Variants in ADGRG7 observed in about 807,000 individuals in gnomAD.
The protein encoded by ADGRG7 is adhesion G protein-coupled receptor G7.
Under a neutral mutation model 88.6 loss-of-function variants are expected in ADGRG7, and 82 were observed. The observed-to-expected ratio is 0.93, with a 90% CI of 0.77 to 1.11. The LOEUF (loss-of-function observed/expected upper bound fraction) is 1.11. Among genes scored for constraint, ADGRG7 ranks in the 50% most tolerant of loss-of-function variants. The pLI, the probability that ADGRG7 is intolerant of heterozygous loss-of-function variation, is 0.00. For synonymous variants in ADGRG7, 381 were observed against 345.2 expected, an observed-to-expected ratio of 1.10 and a Z score of -1.15; for missense variants, 945 against 953.4, an observed-to-expected ratio of 0.99 and a Z score of 0.12.
At chr3:100,629,065 A>T (rs1380352066) in intron 1 of ADGRG7, among the ~76,000 whole-genome samples, 1 of 152,162 alleles carries the variant, frequency 6.6e-6, no homozygotes, top group Non-Finnish European at 1.5e-5. Context: ...TTCCTTAGAC[A>T]CATCAGAACT....
intron 14 of ADGRG7, among the ~76,000 whole-genome samples, chr3:100,660,376 C>T (rs186053123): frequency 6.6e-6 from 1 of 152,288 alleles, no homozygotes; most frequent in African/African-American, 2.4e-5. Context: ...ACGATCACAG[C>T]TCAATGCAGC....
At position 100,659,841 on chromosome 3, in the gene ADGRG7, A is replaced by G. The variant is rs148216825; in HGVS notation, c.1977A>G (p.Thr659=). The change falls in exon 14 of 16, where the codon ACA becomes ACG. Residue 659 remains threonine, a splice_region_variant and synonymous_variant. Coordinates refer to ENST00000273352, the MANE Select transcript of ADGRG7 (RefSeq NM_032787.3). The stretch of plus-strand genomic sequence containing the variant: ...TGTGGAAGAATAACCAGAACCTGAC[A>G]AGGTAAGATTCCCAATGAATGGGAA... The part of the protein sequence containing the change: ...KVLWKNNQNL[T]STKKVSSMKK... 24 of 1,613,352 alleles carry G rather than the reference A, an allele frequency of 1.5e-5. No homozygotes were observed. The African/African-American group carries it at 3.1e-4, about 21-fold the overall frequency.
chr3:100,634,932 C>T (rs1707511121), intron 4 of ADGRG7, among the ~76,000 whole-genome samples: 1 of 151,964 alleles, frequency 6.6e-6, no homozygotes, highest in African/African-American at 2.4e-5. Flanking sequence ...CTGACACTTA[C>T]CCAAGTGTGA....
At chr3:100,637,506 A>C in intron 6 of ADGRG7, 104 bp downstream of exon 6, 1 of 757,232 alleles carries the variant, frequency 1.3e-6, no homozygotes, top group Non-Finnish European at 2.2e-6. Flanking sequence ...TGGATGCAGT[A>C]ACTGACTGAT....
chr3:100,653,454 A>G (rs1015408774), intron 11 of ADGRG7, among the ~76,000 whole-genome samples: 28 of 152,232 alleles, frequency 1.8e-4, no homozygotes, highest in African/African-American at 6.8e-4. Context: ...ACATGAGTTC[A>G]TCTACTAATG....
chr3:100,614,481 A>G (rs1197430753), intron 1 of ADGRG7, among the ~76,000 whole-genome samples: 3 of 152,238 alleles, frequency 2.0e-5, no homozygotes, highest in Non-Finnish European at 2.9e-5. Context: ...TACCTTAAAT[A>G]AAGACTATGT....
intron 14 of ADGRG7, among the ~76,000 whole-genome samples, chr3:100,668,075 C>T (rs2094954010): frequency 6.6e-6 from 1 of 152,170 alleles, no homozygotes; most frequent in African/African-American, 2.4e-5. Flanking sequence ...GGTGAGGTGA[C>T]ACCCCACCCT....
chr3:100,650,216 A>G (rs551855775), intron 11 of ADGRG7, among the ~76,000 whole-genome samples: 2 of 152,342 alleles, frequency 1.3e-5, no homozygotes, highest in Admixed American at 1.3e-4. Flanking sequence ...ACGTTTTTCA[A>G]AAATATAGTT....
At chr3:100,631,622 A>G (rs1707460294) in intron 3 of ADGRG7, among the ~76,000 whole-genome samples, 1 of 152,198 alleles carries the variant, frequency 6.6e-6, no homozygotes, top group South Asian at 2.1e-4. Context: ...AATACAGCCA[A>G]TTCTAGATCA....
At chr3:100,611,308 T>TTTCC (rs71132525) in intron 1 of ADGRG7, among the ~76,000 whole-genome samples, 1 of 70,700 alleles carries the variant, frequency 1.4e-5, no homozygotes, top group African/African-American at 3.6e-5. Flanking sequence ...TCCTTTCTTC[T>TTTCC]TTCCTTCCTT....
chr3:100,630,551 G>A (rs1707446052), intron 2 of ADGRG7, among the ~76,000 whole-genome samples, 154 bp from the exon 3 acceptor site: 1 of 152,118 alleles, frequency 6.6e-6, no homozygotes, highest in African/African-American at 2.4e-5. Flanking sequence ...TAACCAGATA[G>A]CAAAGTATAG....
chr3:100,682,618 A>T (rs1475567620), intron 15 of ADGRG7, among the ~76,000 whole-genome samples: 1 of 152,176 alleles, frequency 6.6e-6, no homozygotes, highest in Non-Finnish European at 1.5e-5. Context: ...GAGCCAGGCA[A>T]GGGGGAGCCC....
In ADGRG7 at chr3:100,630,812, A is replaced by G; in HGVS notation, c.334+3A>G. ...ATGTGGCAAGGATACTCCAAATGGT[A>G]TGTGTTTTCCCAAACATTTACTCTA... On this transcript the variant is annotated splice_donor_region_variant and intron_variant, in intron 3 of 15. Transcript: ENST00000273352. The G allele has an allele frequency of 7.0e-7, 1 of 1,434,254 alleles. No individual in the cohort carries two copies. 88.8% of individuals were successfully genotyped at this position (1,434,254 alleles called of 1,614,324 possible).
At chr3:100,633,191 G>A (rs1188609379) in intron 3 of ADGRG7, 74 bp from the exon 4 acceptor site, 2 of 638,654 alleles carry the variant, frequency 3.1e-6, no homozygotes, top group Non-Finnish European at 2.3e-6. Flanking sequence ...ATAAAAATTA[G>A]TTATTGCCTA....
intron 1 of ADGRG7, among the ~76,000 whole-genome samples, chr3:100,626,097 T>C (rs922062667): frequency 6.6e-6 from 1 of 152,178 alleles, no homozygotes; most frequent in Non-Finnish European, 1.5e-5. Context: ...CCAGCTCCTC[T>C]TGGTATCTCT....
At chr3:100,616,810 G>C (rs1186863646) in intron 1 of ADGRG7, among the ~76,000 whole-genome samples, 2 of 152,134 alleles carry the variant, frequency 1.3e-5, no homozygotes, top group Non-Finnish European at 2.9e-5. Flanking sequence ...GACAGAGGGA[G>C]ATCCTGTCTC....
intron 1 of ADGRG7, among the ~76,000 whole-genome samples, chr3:100,612,457 G>C (rs1707167304): frequency 6.6e-6 from 1 of 152,144 alleles, no homozygotes; most frequent in South Asian, 2.1e-4. Context: ...AACACAAGAA[G>C]CAGTATAGCT....
In ADGRG7 at chr3:100,659,734, C is replaced by T; in HGVS notation, c.1870C>T (p.Leu624=). The change falls in exon 14 of 16, where the codon CTG becomes TTG. Residue 624 remains leucine, a synonymous_variant. Coordinates refer to ENST00000273352, the MANE Select transcript of ADGRG7 (RefSeq NM_032787.3). Reference sequence around the variant, plus strand: ...ACCCAATGGTGTTATAAAAAGTCCGCTGTTGTGGTCATTCATCGTACCTGT... The same window carrying T: ...ACCCAATGGTGTTATAAAAAGTCCGTTGTTGTGGTCATTCATCGTACCTGT... ...PEPNGVIKSP[L]LWSFIVPVTI... 1.9e-6 allele frequency: 3 copies of T among 1,614,060 alleles called. No individual in the cohort carries two copies. The highest frequency in any genetic ancestry group is 2.5e-6 in the Non-Finnish European group (3 of 1,179,986).
Position 100,646,578 on chromosome 3 carries a change from A to G in ADGRG7, c.1120A>G (p.Lys374Glu). 6.2e-7 allele frequency: 1 copy of G among 1,612,824 alleles called. No homozygotes were observed. The highest frequency in any genetic ancestry group is 1.1e-5 in the South Asian group (1 of 90,792). Reference sequence around the variant, plus strand: ...TCTTATCAATTCATAGTACAACCAAAAAGAATTTCAACTCTATTCCTATGC... The same window carrying G: ...TCTTATCAATTCATAGTACAACCAAGAAGAATTTCAACTCTATTCCTATGC... ...DMVFSPKYNQ[K>E]EFQLYSYACV... Residue 374 changes from lysine to glutamate, a missense_variant, in exon 10 of 16, where the codon AAA becomes GAA. Physicochemically the swap from Lys to Glu is moderately conservative, Grantham distance 56. Coordinates refer to ENST00000273352, the MANE Select transcript of ADGRG7 (RefSeq NM_032787.3).
Sources: allele counts gnomAD v4.1 joint callset (sites outside exome capture counted in the v4.1 genomes callset), GRCh38; gene constraint gnomAD v4.1.1; transcripts MANE v1.5; gene names NCBI Gene and HGNC (gene_info 2026-07-23, HGNC 2026-07-21).